Variants in SNRNP200 observed in about 807,000 individuals in gnomAD.
The protein encoded by SNRNP200 is U5 small nuclear ribonucleoprotein 200 kDa helicase.
A neutral mutation model predicts 255.2 loss-of-function variants in SNRNP200; 66 were observed. The ratio of observed to expected loss-of-function variants is 0.26; its 90% confidence interval spans 0.21 to 0.32. The LOEUF is 0.32. SNRNP200 is among the 10% of genes least tolerant of loss of function. SNRNP200 has a pLI of 1.00. For missense variants in SNRNP200, 1,585 were observed against 2,749.8 expected (o/e 0.58, Z 9.47); for synonymous variants, 939 against 1,027.8 (o/e 0.91, Z 1.65).
At chr2:96,289,147 A>C in intron 22 of SNRNP200, 30 bp from the exon 23 acceptor site, 6 of 1,613,938 alleles carry the variant, frequency 3.7e-6, no homozygotes, top group Non-Finnish European at 5.1e-6. Context: ...GTCAAGGGAA[A>C]GCCTTGTGGC....
rs1328493271 is a variant in SNRNP200 at position 96,298,872 on chromosome 2, GA to G, written c.824del (p.Phe275SerfsTer19). 1 of 1,614,156 alleles carries G rather than the reference GA, an allele frequency of 6.2e-7. No individual in the cohort carries two copies. Among genetic ancestry groups the G allele is most frequent in the South Asian group, 1.1e-5 (1 of 91,072 alleles). ...AFWLQRQLSR[F>X]YDDAIVSQKK... ...TCTGCGACACGATGGCATCATCATA[GA>G]AACGACTGAGCTGCCGCTGCAGCCA... is the stretch of plus-strand genomic sequence containing the variant. On this transcript the variant is annotated frameshift_variant, in exon 7 of 45. Coordinates refer to ENST00000323853, the MANE Select transcript of SNRNP200 (RefSeq NM_014014.5). LOFTEE classifies it high-confidence loss of function.
At position 96,274,909 on chromosome 2, in the gene SNRNP200, C is replaced by T; in HGVS notation, c.*103G>A. The T allele has an allele frequency of 7.2e-7, 1 of 1,398,490 alleles. No individual in the cohort carries two copies. The highest frequency in any genetic ancestry group is 1.0e-6 in the Non-Finnish European group (1 of 991,470). 86.6% of individuals were successfully genotyped at this position (1,398,490 alleles called of 1,614,324 possible). A position where few individuals can be genotyped will look rare whatever the true frequency, so the allele number is the denominator to read the frequency against. On this transcript the variant is annotated 3_prime_UTR_variant, in exon 45 of 45. Coordinates refer to ENST00000323853, the MANE Select transcript of SNRNP200 (RefSeq NM_014014.5). ...ACAGCACCAGCCCTGGCTGGCCAGA[C>T]CTGAGGCCCACAGACCTGGTCCCCA...
Position 96,301,046 on chromosome 2 carries a change from G to T in SNRNP200, c.582C>A (p.Asn194Lys). 1 of 1,613,900 alleles carries T rather than the reference G, an allele frequency of 6.2e-7. No homozygotes were observed. Among genetic ancestry groups the T allele is most frequent in the Non-Finnish European group, 8.5e-7 (1 of 1,179,818 alleles). Reference sequence around the variant, plus strand: ...CATTCACACCGTATGTCTCATCAATGTTGTCATCTGAAACAATGAAGGATT... The same window carrying T: ...CATTCACACCGTATGTCTCATCAATTTTGTCATCTGAAACAATGAAGGATT... ...GDKEIQNMDDNIDETYGVNVQ... is the reference protein window; with the variant it reads ...GDKEIQNMDDKIDETYGVNVQ... Residue 194 changes from asparagine to lysine, a missense_variant, in exon 5 of 45, where the codon AAC becomes AAA. This residue lies in a region of SNRNP200 where 383 missense variants were observed against 645.3 expected (regional missense o/e 0.59). Coordinates refer to ENST00000323853, the MANE Select transcript of SNRNP200 (RefSeq NM_014014.5).
At position 96,284,345 on chromosome 2, in the gene SNRNP200, G is replaced by C. The variant is rs987696774; in HGVS notation, c.4392+13C>G. The C allele has an allele frequency of 6.2e-7, 1 of 1,607,868 alleles. No homozygotes were observed. On this transcript the variant is annotated intron_variant, in intron 31 of 44. Coordinates refer to ENST00000323853, the MANE Select transcript of SNRNP200 (RefSeq NM_014014.5). ...TCCCAGTCCCTCATCTGTGCTGCAAGGTCACGCCATACCCCATTCTCGCCC... is the reference window on the plus strand; with the variant it reads ...TCCCAGTCCCTCATCTGTGCTGCAACGTCACGCCATACCCCATTCTCGCCC...
At chr2:96,280,848 CTTTTTT>C (rs985439781) in intron 35 of SNRNP200, among the ~76,000 whole-genome samples, 3 of 114,856 alleles carry the variant, frequency 2.6e-5, no homozygotes, top group Non-Finnish European at 5.4e-5. Context: ...ACACCTGGCC[CTTTTTT>C]TTTTTTTTTT....
Position 96,278,203 on chromosome 2 carries a change from C to G in SNRNP200, c.5610+34G>C. On this transcript the variant is annotated intron_variant, in intron 39 of 44. Coordinates refer to ENST00000323853, the MANE Select transcript of SNRNP200 (RefSeq NM_014014.5). This position sits in a 1 kb window ranked among gnomAD's most constrained non-coding sequence, Gnocchi z 6.9. ...GGGCACACAGGCCGAGTTTGTTGTT[C>G]CCAGGATGCTCTCCTGAAGTCTGCT... 6.2e-7 allele frequency: 1 copy of G among 1,613,918 alleles called. No homozygotes were observed. The highest frequency in any genetic ancestry group is 8.5e-7 in the Non-Finnish European group (1 of 1,179,972).
chr2:96,280,346 A>C (rs1318868065), intron 35 of SNRNP200, among the ~76,000 whole-genome samples: 1 of 152,006 alleles, frequency 6.6e-6, no homozygotes, highest in African/African-American at 2.4e-5. Flanking sequence ...AAAAAAGGAA[A>C]AATTAGCTGG....
At chr2:96,279,710 C>A in intron 35 of SNRNP200, 151 bp from the exon 36 acceptor site, 1 of 670,552 alleles carries the variant, frequency 1.5e-6, no homozygotes, top group Non-Finnish European at 2.7e-6. Context: ...AATCTCTGCA[C>A]TTACAACTAG....
Position 96,290,355 on chromosome 2 carries a change from T to C in SNRNP200, c.2713A>G (p.Ile905Val). The change falls in exon 20 of 45, where the codon ATC becomes GTC. Residue 905 changes from isoleucine to valine, a missense_variant. Coordinates refer to ENST00000323853, the MANE Select transcript of SNRNP200 (RefSeq NM_014014.5). This position sits in a 1 kb window ranked among gnomAD's most constrained non-coding sequence, Gnocchi z 4.5. ...SKLPDMLNAE[I>V]VLGNVQNAKD... The stretch of plus-strand genomic sequence containing the variant: ...GCATTCTGGACATTTCCTAGCACGA[T>C]TTCTGCATTGAGCATGTCAGGAAGC... The C allele has an allele frequency of 6.2e-7, 1 of 1,614,154 alleles. No homozygotes were observed. The highest frequency in any genetic ancestry group is 8.5e-7 in the Non-Finnish European group (1 of 1,180,026).
In SNRNP200 at chr2:96,284,436, T is replaced by A. The variant is rs200779587; in HGVS notation, c.4314A>T (p.Arg1438=). The A allele has an allele frequency of 1.2e-5, 20 of 1,614,184 alleles. No homozygotes were observed. The highest frequency in any genetic ancestry group is 1.5e-5 in the Non-Finnish European group (18 of 1,180,038). ...TCTGCACGTTCTTGCGCTGCTTCCA[T>A]CGCCGGGAAAGTATGTCCCACTTCT... ...TPEKWDILSR[R]WKQRKNVQNI... The change falls in exon 31 of 45, where the codon CGA becomes CGT. Residue 1438 remains arginine (R), a synonymous_variant. Coordinates refer to ENST00000323853, the MANE Select transcript of SNRNP200 (RefSeq NM_014014.5).
At position 96,279,577 on chromosome 2, in the gene SNRNP200, G is replaced by A. The variant is rs754392558; in HGVS notation, c.5025-18C>T. ...CCACATAGCTGGTGACAGAAGCAGG[G>A]AAAGAAGGAAAAGCCACCTCAACAC... is the stretch of plus-strand genomic sequence containing the variant. On this transcript the variant is annotated intron_variant, in intron 35 of 44. Transcript: ENST00000323853. 1 of 1,562,456 alleles carries A rather than the reference G, an allele frequency of 6.4e-7. No individual in the cohort carries two copies. Among genetic ancestry groups the A allele is most frequent in the South Asian group, 1.1e-5 (1 of 89,638 alleles).
Position 96,277,460 on chromosome 2 carries a change from C to T in SNRNP200, c.5931+79G>A. 2 of 1,548,444 alleles carry T rather than the reference C, an allele frequency of 1.3e-6. No homozygotes were observed. Among genetic ancestry groups the T allele is most frequent in the Non-Finnish European group, 1.8e-6 (2 of 1,123,626 alleles). On this transcript the variant is annotated intron_variant, in intron 41 of 44. Transcript: ENST00000323853. The surrounding 1 kb of genome is among the most constrained non-coding windows in gnomAD (Gnocchi z 4.4). ...TAAAAGTTTAACTTACTGAGACTCA[C>T]CTCCCGCAACCCACGCTCGGTCCAC...
intron 21 of SNRNP200, 140 bp from the exon 22 acceptor site, chr2:96,289,519 A>T: frequency 6.5e-6 from 6 of 918,666 alleles, no homozygotes; most frequent in Non-Finnish European, 1.0e-5. Context: ...TATTGTCCTA[A>T]TAGGACAACT....
At position 96,291,517 on chromosome 2, in the gene SNRNP200, A is replaced by T; in HGVS notation, c.2311-15T>A. ...AGCTCTAGGTTCTGTGGAACAAAGA[A>T]CCGGGGATGAGGCGAGCCTTCCTGT... is the stretch of plus-strand genomic sequence containing the variant. On this transcript the variant is annotated splice_polypyrimidine_tract_variant and intron_variant, in intron 17 of 44. Coordinates refer to ENST00000323853, the MANE Select transcript of SNRNP200 (RefSeq NM_014014.5). This position sits in a 1 kb window ranked among gnomAD's most constrained non-coding sequence, Gnocchi z 4.2. The T allele has an allele frequency of 3.9e-6, 6 of 1,550,970 alleles. No individual in the cohort carries two copies. The highest frequency in any genetic ancestry group is 5.3e-6 in the Non-Finnish European group (6 of 1,122,580).
intron 35 of SNRNP200, 117 bp from the exon 36 acceptor site, chr2:96,279,676 A>T: frequency 1.4e-6 from 1 of 701,260 alleles, no homozygotes; most frequent in East Asian, 2.7e-5. Flanking sequence ...GACACGGACA[A>T]ATCACGGGAC....
At position 96,290,588 on chromosome 2, in the gene SNRNP200, C is replaced by T. The variant is rs772884886; in HGVS notation, c.2554-74G>A. On this transcript the variant is annotated intron_variant, in intron 19 of 44. Coordinates refer to ENST00000323853, the MANE Select transcript of SNRNP200 (RefSeq NM_014014.5). This position sits in a 1 kb window ranked among gnomAD's most constrained non-coding sequence, Gnocchi z 4.5. ...AATTTTGATGCAGGTATCTACATTA[C>T]AGAACTAGACCTCTGATCTGCTAGC... The T allele has an allele frequency of 1.1e-5, 17 of 1,611,970 alleles. No homozygotes were observed. In the African/African-American group the frequency reaches 1.3e-4, roughly 13 times the overall value.
chr2:96,291,969 CAGA>C lies in SNRNP200; in HGVS notation c.2161-72_2161-70del. On this transcript the variant is annotated intron_variant, in intron 16 of 44. Transcript: ENST00000323853. The surrounding 1 kb of genome is among the most constrained non-coding windows in gnomAD (Gnocchi z 4.2). ...GCCCCAGGGCACCTGCAGCAGGAAG[CAGA>C]AGTTGCACCATCACCACCAGAAGCC... 6.4e-7 allele frequency: 1 copy of C among 1,566,652 alleles called. No homozygotes were observed. Among genetic ancestry groups the C allele is most frequent in the South Asian group, 1.1e-5 (1 of 89,938 alleles).
In SNRNP200 at chr2:96,286,418, G is replaced by T; in HGVS notation, c.3896C>A (p.Thr1299Asn). ...CAAGGGCTGCAGGTCCAAAAGTTCG[G>T]TTGGAGGGGGGTACTTCTCCGGCAA... ...LILPEKYPPPTELLDLQPLPV... is the reference protein window; with the variant it reads ...LILPEKYPPPNELLDLQPLPV... Residue 1299 changes from threonine to asparagine, a missense_variant, in exon 29 of 45, where the codon ACC (threonine) becomes AAC (asparagine). Coordinates refer to ENST00000323853, the MANE Select transcript of SNRNP200 (RefSeq NM_014014.5). The surrounding 1 kb of genome is among the most constrained non-coding windows in gnomAD (Gnocchi z 4.8). 1 of 1,614,196 alleles carries T rather than the reference G, an allele frequency of 6.2e-7. No homozygotes were observed. The highest frequency in any genetic ancestry group is 8.5e-7 in the Non-Finnish European group (1 of 1,180,044).
At chr2:96,276,784 T>C in intron 43 of SNRNP200, 120 bp downstream of exon 43, 3 of 949,658 alleles carry the variant, frequency 3.2e-6, no homozygotes, top group Non-Finnish European at 5.2e-6. Context: ...ATTCTCACCC[T>C]TGTGAGCTGA....
Sources: gnomAD v4.1 joint callset for allele counts (sites outside exome capture counted in the v4.1 genomes callset) on GRCh38, gnomAD v4.1.1 for gene constraint, gnomAD v4.1.1 regional missense constraint, Gnocchi (gnomAD v3.1) non-coding constraint, MANE v1.5 for transcripts, NCBI Gene and HGNC (gene_info 2026-07-23, HGNC 2026-07-21) for gene names.